The following ELP3 variants were observed in gnomAD, a reference collection of about 807,000 sequenced individuals.
ELP3 encodes the protein elongator acetyltransferase complex subunit 3, also known as elongator complex protein 3.
Under a neutral mutation model 74.9 loss-of-function variants are expected in ELP3, and 56 were observed. The observed-to-expected ratio is 0.75, with a 90% CI of 0.60 to 0.93. ELP3 has a LOEUF of 0.93. ELP3 is among the 40% of genes least tolerant of loss of function. ELP3 has a pLI of 0.00. For missense variants in ELP3, 573 were observed against 686.5 expected (o/e 0.83, Z 1.85); for synonymous variants, 222 against 239.8 (o/e 0.93, Z 0.68).
chr8:28,091,627 G>A (rs1290957171), upstream of ELP3, among the ~76,000 whole-genome samples: 1 of 152,162 alleles, frequency 6.6e-6, no homozygotes, highest in African/African-American at 2.4e-5. Context: ...CATGGACAAA[G>A]GAGATCATAG....
At chr8:28,096,567 G>GA in intron 1 of ELP3, among the ~76,000 whole-genome samples, 1 of 152,224 alleles carries the variant, frequency 6.6e-6, no homozygotes, top group Non-Finnish European at 1.5e-5. Context: ...ACCAATCCTT[G>GA]AACTGTGCTT....
chr8:28,148,685 A>G (rs1585709565), intron 10 of ELP3, among the ~76,000 whole-genome samples: 1 of 152,316 alleles, frequency 6.6e-6, no homozygotes, highest in Non-Finnish European at 1.5e-5. Flanking sequence ...TGTATCGACT[A>G]ATATTGTGAG....
At chr8:28,109,574 T>G (rs1563251321) in intron 5 of ELP3, among the ~76,000 whole-genome samples, 1 of 152,202 alleles carries the variant, frequency 6.6e-6, no homozygotes, top group Non-Finnish European at 1.5e-5. Flanking sequence ...GATTTTGGAT[T>G]TTTCTGGATT....
chr8:28,162,572 A>T (rs1425422403), intron 14 of ELP3, among the ~76,000 whole-genome samples: 1 of 152,220 alleles, frequency 6.6e-6, no homozygotes, highest in Non-Finnish European at 1.5e-5. Flanking sequence ...GTTTGGGAGT[A>T]AAAAAGTTTT....
intron 10 of ELP3, among the ~76,000 whole-genome samples, chr8:28,151,780 G>T (rs1273093236): frequency 2.0e-5 from 3 of 152,188 alleles, no homozygotes; most frequent in Admixed American, 6.5e-5. Flanking sequence ...CCTGCAGGAA[G>T]GCCTTAATTA....
intron 7 of ELP3, chr8:28,113,812 T>A (rs571643373): frequency 1.3e-5 from 2 of 152,294 alleles, no homozygotes; most frequent in East Asian, 3.9e-4. Flanking sequence ...GGCATTAATC[T>A]TACCCACAAG....
intron 1 of ELP3, chr8:28,093,521 C>A: frequency 2.0e-6 from 1 of 495,360 alleles, no homozygotes; most frequent in Non-Finnish European, 3.6e-6. Flanking sequence ...GAGTTAACGT[C>A]GATTTAACGG....
chr8:28,167,451 T>C (rs959759484), intron 14 of ELP3, among the ~76,000 whole-genome samples: 17 of 152,198 alleles, frequency 1.1e-4, no homozygotes, highest in Non-Finnish European at 1.3e-4. Context: ...ACTACACATC[T>C]CCCTCAGTTT....
At chr8:28,092,756 T>C (rs1811089204), upstream of ELP3, 1 of 260,642 alleles carries the variant, frequency 3.8e-6, no homozygotes, top group East Asian at 1.2e-4. Context: ...CATGGGAGGG[T>C]TCCTCCTCCG....
intron 7 of ELP3, among the ~76,000 whole-genome samples, chr8:28,115,331 G>T (rs559985764): frequency 1.1e-4 from 16 of 152,152 alleles, no homozygotes; most frequent in Non-Finnish European, 1.8e-4. Flanking sequence ...GATCTCCAAG[G>T]TATACTAAGT....
chr8:28,189,527 A>G, intron 14 of ELP3, 122 bp from the exon 15 acceptor site: 1 of 813,890 alleles, frequency 1.2e-6, no homozygotes, highest in Non-Finnish European at 2.0e-6. Context: ...TTAAGCTGAG[A>G]TTTTATGTGG....
At chr8:28,108,325 C>T (rs1025664546) in intron 5 of ELP3, among the ~76,000 whole-genome samples, 3 of 152,184 alleles carry the variant, frequency 2.0e-5, no homozygotes, top group African/African-American at 7.2e-5. Context: ...AAACAGCTGG[C>T]CCAAAGACAC....
intron 2 of ELP3, among the ~76,000 whole-genome samples, chr8:28,099,262 C>A (rs192944868): frequency 1.2e-4 from 19 of 152,138 alleles, no homozygotes; most frequent in African/African-American, 4.6e-4. Flanking sequence ...TTCTGCATAG[C>A]CATCCTTGAT....
At position 28,183,277 on chromosome 8, in the gene ELP3, C is replaced by T. The variant is rs371474149; in HGVS notation, c.1568-6372C>T. 33 of 455,134 alleles carry T rather than the reference C, an allele frequency of 7.3e-5. No homozygotes were observed. The East Asian group carries it at 1.2e-3, about 17-fold the overall frequency. 28.2% of individuals were successfully genotyped at this position (455,134 alleles called of 1,614,324 possible). ...GGCACTTTGCAAGGTATTCTTTTTT[C>T]ACCTAACTCATCATCATTGCTGGTT... is the stretch of plus-strand genomic sequence containing the variant. On this transcript the variant is annotated intron_variant, in intron 14 of 14. Coordinates refer to ENST00000256398, the MANE Select transcript of ELP3 (RefSeq NM_018091.6).
At chr8:28,139,536 T>G (rs982335921) in intron 10 of ELP3, among the ~76,000 whole-genome samples, 7 of 152,078 alleles carry the variant, frequency 4.6e-5, no homozygotes, top group Admixed American at 1.3e-4. Flanking sequence ...GAAAAAACAG[T>G]GGGTGGTTAT....
Position 28,097,289 on chromosome 8 carries a change from C to G in ELP3, c.90C>G (p.His30Gln), listed in dbSNP as rs146779290. ...GDVIKQLIEAHEQGKDIDLNK... is the reference protein window; with the variant it reads ...GDVIKQLIEAQEQGKDIDLNK... The stretch of plus-strand genomic sequence containing the variant: ...TTATTAAACAACTGATTGAAGCCCA[C>G]GAGCAGGGGAAAGACATCGATCTAA... Residue 30 changes from histidine to glutamine, a missense_variant, in exon 2 of 15, where the codon CAC (histidine) becomes CAG (glutamine). Transcript: ENST00000256398. 6.2e-7 allele frequency: 1 copy of G among 1,613,584 alleles called. No homozygotes were observed. The highest frequency in any genetic ancestry group is 8.5e-7 in the Non-Finnish European group (1 of 1,179,698).
Position 28,160,356 on chromosome 8 carries a change from G to T in ELP3, c.1385G>T (p.Arg462Leu), listed in dbSNP as rs190129217. The T allele has an allele frequency of 4.3e-6, 7 of 1,614,164 alleles. No individual in the cohort carries two copies. Among genetic ancestry groups the T allele is most frequent in the Non-Finnish European group, 5.1e-6 (6 of 1,180,008 alleles). Residue 462 changes from arginine (R) to leucine (L), a missense_variant, in exon 13 of 15, where the codon CGT (arginine) becomes CTT (leucine). Physicochemically the swap from Arg to Leu is moderately radical, Grantham distance 102. Transcript: ENST00000256398. ...RLRKCSEETFRFELGGGVSIV... is the reference protein window; with the variant it reads ...RLRKCSEETFLFELGGGVSIV... The stretch of plus-strand genomic sequence containing the variant: ...CGCAAGTGTTCAGAAGAAACTTTCC[G>T]TTTCGAATTGGGTGGAGGTGTCTCC...
chr8:28,131,889 C>T (rs546049192), intron 8 of ELP3, among the ~76,000 whole-genome samples: 2 of 152,236 alleles, frequency 1.3e-5, no homozygotes. Context: ...TGGTTTTGAG[C>T]TCATTTTAAT....
intron 7 of ELP3, among the ~76,000 whole-genome samples, chr8:28,114,589 T>G (rs1407214955): frequency 6.6e-6 from 1 of 152,106 alleles, no homozygotes; most frequent in African/African-American, 2.4e-5. Context: ...GAGATGGTGG[T>G]AAGCCATTTA....
Sources: allele counts gnomAD v4.1 joint callset (sites outside exome capture counted in the v4.1 genomes callset), GRCh38; gene constraint gnomAD v4.1.1; transcripts MANE v1.5; gene names NCBI Gene and HGNC (gene_info 2026-07-23, HGNC 2026-07-21).